The following FMN2 variants were observed in gnomAD, a reference collection of about 807,000 sequenced individuals.
FMN2 encodes formin 2, also known as formin-2.
Under a neutral mutation model 142.3 loss-of-function variants are expected in FMN2, and 51 were observed. That is an observed-to-expected ratio of 0.36 (90% CI 0.29 to 0.45). FMN2 has a LOEUF of 0.45. FMN2 is among the 20% of genes least tolerant of loss of function. The pLI is 1.00. For synonymous variants in FMN2, 882 were observed against 869.8 expected (o/e 1.01, Z -0.25); for missense variants, 1,936 against 2,122.8 (o/e 0.91, Z 1.73).
intron 2 of FMN2, among the ~76,000 whole-genome samples, chr1:240,164,934 A>G (rs144076715): frequency 3.1e-3 from 466 of 152,266 alleles, no homozygotes; most frequent in Admixed American, 5.4e-3. Flanking sequence ...ATTATACATA[A>G]GTTAGAGTTC....
intron 15 of FMN2, among the ~76,000 whole-genome samples, chr1:240,437,493 AG>A (rs1558106416): frequency 6.6e-6 from 1 of 151,730 alleles, no homozygotes; most frequent in Non-Finnish European, 1.5e-5. Context: ...TAGTAGAGAC[AG>A]GGTTTCACCG....
chr1:240,308,742 G>T (rs1302987500), intron 8 of FMN2, among the ~76,000 whole-genome samples: 1 of 151,934 alleles, frequency 6.6e-6, no homozygotes, highest in African/African-American at 2.4e-5. Context: ...CAGTGGAGCT[G>T]CTGAGAAGTG....
intron 6 of FMN2, among the ~76,000 whole-genome samples, chr1:240,249,897 T>A (rs998874195): frequency 1.3e-5 from 2 of 152,124 alleles, no homozygotes; most frequent in Non-Finnish European, 2.9e-5. Context: ...CTCAGCTAGT[T>A]CATTATTGTT....
At chr1:240,241,992 C>CAT (rs1282016772) in intron 6 of FMN2, among the ~76,000 whole-genome samples, 1 of 151,912 alleles carries the variant, frequency 6.6e-6, no homozygotes, top group Non-Finnish European at 1.5e-5. Flanking sequence ...ACTACAGGTG[C>CAT]CCGCCACCAC....
At chr1:240,181,539 G>C (rs141438483) in intron 3 of FMN2, among the ~76,000 whole-genome samples, 71 of 152,278 alleles carry the variant, frequency 4.7e-4, no homozygotes, top group African/African-American at 1.5e-3. Context: ...GTGAGGTCTT[G>C]GTGCCTCTTC....
intron 15 of FMN2, among the ~76,000 whole-genome samples, chr1:240,429,157 A>T (rs533201463): frequency 6.6e-6 from 1 of 152,084 alleles, no homozygotes; most frequent in South Asian, 2.1e-4. Context: ...CTTATGTCTG[A>T]GTTTTTAAAA....
intron 2 of FMN2, among the ~76,000 whole-genome samples, chr1:240,147,068 A>G (rs34961645): frequency 0.46 from 69,728 of 151,966 alleles, 17,245 homozygotes; most frequent in South Asian, 0.65. Context: ...GTGGAGGAGC[A>G]AGTCATAGAA....
At chr1:240,370,837 T>A (rs950364254) in intron 14 of FMN2, among the ~76,000 whole-genome samples, 1 of 152,220 alleles carries the variant, frequency 6.6e-6, no homozygotes, top group Non-Finnish European at 1.5e-5. Flanking sequence ...GATTGAATAA[T>A]GTTAGTATAA....
At chr1:240,112,426 G>A (rs991094954) in intron 1 of FMN2, among the ~76,000 whole-genome samples, 5 of 151,930 alleles carry the variant, frequency 3.3e-5, no homozygotes, top group African/African-American at 9.7e-5. Context: ...CACTGCATCT[G>A]GACAGGCCTG....
At chr1:240,262,060 C>T (rs887156629) in intron 7 of FMN2, among the ~76,000 whole-genome samples, 8 of 151,834 alleles carry the variant, frequency 5.3e-5, no homozygotes, top group Non-Finnish European at 1.0e-4. Context: ...GGGTTGGTTC[C>T]CCTGCCAGTA....
At chr1:240,391,177 C>T (rs927748458) in intron 14 of FMN2, among the ~76,000 whole-genome samples, 1 of 151,898 alleles carries the variant, frequency 6.6e-6, no homozygotes, top group Non-Finnish European at 1.5e-5. Context: ...ATCTGACATA[C>T]AAAAAGGGAA....
intron 16 of FMN2, among the ~76,000 whole-genome samples, chr1:240,467,873 C>T (rs1253758759): frequency 6.6e-6 from 1 of 152,114 alleles, no homozygotes; most frequent in African/African-American, 2.4e-5. Context: ...CATTATCTAC[C>T]ATTTAGTGTC....
chr1:240,253,249 G>T (rs897357610), intron 6 of FMN2, among the ~76,000 whole-genome samples: 1 of 150,734 alleles, frequency 6.6e-6, no homozygotes, highest in African/African-American at 2.4e-5. Flanking sequence ...GATTACAGAC[G>T]TGAGACACTA....
chr1:240,194,621 G>A (rs1010637186), intron 4 of FMN2, among the ~76,000 whole-genome samples: 1 of 152,178 alleles, frequency 6.6e-6, no homozygotes, highest in Non-Finnish European at 1.5e-5. Context: ...TCTGTCCTCC[G>A]CCAGAGACTA....
At chr1:240,124,721 G>T (rs1662428679) in intron 2 of FMN2, among the ~76,000 whole-genome samples, 1 of 152,010 alleles carries the variant, frequency 6.6e-6, no homozygotes. Context: ...AGGCTGGAGT[G>T]CAGTGGCACT....
chr1:240,401,017 C>A (rs1336616434), intron 15 of FMN2: 2 of 151,878 alleles, frequency 1.3e-5, no homozygotes, highest in Non-Finnish European at 2.9e-5. Flanking sequence ...CCCAGCTACT[C>A]CGGAGGCTGA....
intron 8 of FMN2, among the ~76,000 whole-genome samples, chr1:240,311,075 A>G (rs1670589517): frequency 6.6e-6 from 1 of 152,158 alleles, no homozygotes; most frequent in Non-Finnish European, 1.5e-5. Context: ...TTCTAATCCA[A>G]TTAGAAGGAA....
intron 7 of FMN2, among the ~76,000 whole-genome samples, chr1:240,263,005 C>T (rs920860038): frequency 1.5e-4 from 23 of 152,056 alleles, no homozygotes; most frequent in Non-Finnish European, 3.1e-4. Context: ...GTGATCCACC[C>T]GCCTCAGCCT....
At chr1:240,177,708 G>T (rs973501928) in intron 2 of FMN2, 4 of 342,800 alleles carry the variant, frequency 1.2e-5, no homozygotes, top group East Asian at 9.6e-5. Flanking sequence ...TGAAGTTGAG[G>T]CAAATGTGGT....
Sources: gnomAD v4.1 joint callset for allele counts (sites outside exome capture counted in the v4.1 genomes callset) on GRCh38, gnomAD v4.1.1 for gene constraint, MANE v1.5 for transcripts, NCBI Gene and HGNC (gene_info 2026-07-23, HGNC 2026-07-21) for gene names.